TAF13: variants seen among roughly 807,000 people sequenced by gnomAD.
The protein encoded by TAF13 is TATA-box binding protein associated factor 13, also known as transcription initiation factor TFIID subunit 13.
TAF13 carries 9 observed loss-of-function variants against 18.7 expected under a neutral mutation model. The observed-to-expected ratio is 0.48, with a 90% CI of 0.29 to 0.84. The LOEUF (loss-of-function observed/expected upper bound fraction) is 0.84, where lower values mean the gene tolerates loss of function less well. Ranked by LOEUF, TAF13 falls within the 40% of genes least tolerant of loss-of-function variation. TAF13 has a pLI of 0.08. For synonymous variants in TAF13, 49 were observed against 44.1 expected (o/e 1.11, Z -0.44); for missense variants, 105 against 146.5 (o/e 0.72, Z 1.46).
intron 3 of TAF13, among the ~76,000 whole-genome samples, chr1:109,064,973 A>C (rs562965851): frequency 1.3e-5 from 2 of 151,804 alleles, no homozygotes; most frequent in East Asian, 3.9e-4. Flanking sequence ...ATATATGTAG[A>C]TTTTGTCTTC....
Position 109,066,188 on chromosome 1 carries a change from T to TA in TAF13, c.150dup (p.Thr51TyrfsTer2). 1 of 1,613,174 alleles carries TA rather than the reference T, an allele frequency of 6.2e-7. No homozygotes were observed. The highest frequency in any genetic ancestry group is 8.5e-7 in the Non-Finnish European group (1 of 1,179,730). ...TCTTCAAGAATATCCACTGACTCAG[T>TA]ATAAGGATTCTGGTCATCCCCAAAG... is the stretch of plus-strand genomic sequence containing the variant. On this transcript the variant is annotated frameshift_variant, in exon 3 of 4. Transcript: ENST00000338366. LOFTEE classifies it high-confidence loss of function.
Position 109,064,447 on chromosome 1 carries a change from G to T in TAF13, c.*76C>A. 1 of 1,246,038 alleles carries T rather than the reference G, an allele frequency of 8.0e-7. No individual in the cohort carries two copies. Among genetic ancestry groups the T allele is most frequent in the Non-Finnish European group, 1.0e-6 (1 of 958,428 alleles). 77.2% of individuals were successfully genotyped at this position (1,246,038 alleles called of 1,614,324 possible). On this transcript the variant is annotated 3_prime_UTR_variant, in exon 4 of 4. Coordinates refer to ENST00000338366, the MANE Select transcript of TAF13 (RefSeq NM_005645.4). ...CTTTCATTTACATGGCTAGATATCA[G>T]AATCTTACTTTAGAAAATATACAAT...
intron 2 of TAF13, among the ~76,000 whole-genome samples, chr1:109,067,120 A>G (rs1663964604): frequency 6.6e-6 from 1 of 152,230 alleles, no homozygotes; most frequent in Admixed American, 6.5e-5. Flanking sequence ...CAACTGCAGC[A>G]AAGCCCTTTC....
In TAF13 at chr1:109,066,290, TTTAAAAAAATAAAGTAGAAATGAACCAAG is replaced by T. The variant is rs1663950303; in HGVS notation, c.107-87_107-59del. 2.2e-6 allele frequency: 3 copies of T among 1,377,110 alleles called. No homozygotes were observed. In the African/African-American group the frequency reaches 4.4e-5, roughly 20 times the overall value. The allele number at this position is 1,377,110 out of a possible 1,614,324, so 85.3% of individuals were successfully genotyped here. On this transcript the variant is annotated intron_variant, in intron 2 of 3. Transcript: ENST00000338366. ...TTTTACAGATTTAACAATTTGATAC[TTTAAAAAAATAAAGTAGAAATGAACCAAG>T]TTATAGATAATATTGGTATGAAAAC...
chr1:109,073,384 A>C (rs1015395940), intron 2 of TAF13, among the ~76,000 whole-genome samples: 3 of 151,884 alleles, frequency 2.0e-5, no homozygotes, highest in Non-Finnish European at 4.4e-5. Flanking sequence ...CAAAAAATAC[A>C]AAAAAAGCTC....
At chr1:109,067,982 G>C (rs1003401767) in intron 2 of TAF13, among the ~76,000 whole-genome samples, 1 of 152,156 alleles carries the variant, frequency 6.6e-6, no homozygotes, top group Non-Finnish European at 1.5e-5. Flanking sequence ...GACAGGATCC[G>C]TGTGAATTCT....
intron 2 of TAF13, among the ~76,000 whole-genome samples, chr1:109,074,247 C>T (rs1664139427): frequency 6.6e-6 from 1 of 152,178 alleles, no homozygotes; most frequent in South Asian, 2.1e-4. Flanking sequence ...ATTCTTCTGC[C>T]TTGGGATGCT....
intron 1 of TAF13, 72 bp downstream of exon 1, chr1:109,075,849 T>A: frequency 1.2e-6 from 2 of 1,606,050 alleles, no homozygotes; most frequent in Non-Finnish European, 1.7e-6. Flanking sequence ...GACCCGATCC[T>A]GAACTCTGCC....
At position 109,075,976 on chromosome 1, in the gene TAF13, T is replaced by C. The variant is rs376761695; in HGVS notation, c.-29A>G. The C allele has an allele frequency of 6.2e-7, 1 of 1,614,216 alleles. No homozygotes were observed. The highest frequency in any genetic ancestry group is 2.2e-5 in the East Asian group (1 of 44,878). On this transcript the variant is annotated 5_prime_UTR_variant, in exon 1 of 4. Transcript: ENST00000338366. Reference sequence around the variant, plus strand: ...ACTAGCACGCCAACTCACAGCGTCCTGCCGGCTGGCTCCCAGCTGGTTACA... The same window carrying C: ...ACTAGCACGCCAACTCACAGCGTCCCGCCGGCTGGCTCCCAGCTGGTTACA...
At position 109,075,974 on chromosome 1, in the gene TAF13, C is replaced by A. The variant is rs1377072263; in HGVS notation, c.-27G>T. 3 of 1,614,192 alleles carry A rather than the reference C, an allele frequency of 1.9e-6. No homozygotes were observed. Among genetic ancestry groups the A allele is most frequent in the Non-Finnish European group, 1.7e-6 (2 of 1,180,038 alleles). On this transcript the variant is annotated 5_prime_UTR_variant, in exon 1 of 4. Coordinates refer to ENST00000338366, the MANE Select transcript of TAF13 (RefSeq NM_005645.4). ...CCACTAGCACGCCAACTCACAGCGT[C>A]CTGCCGGCTGGCTCCCAGCTGGTTA...
intron 1 of TAF13, 107 bp from the exon 2 acceptor site, chr1:109,075,172 AG>A: frequency 1.1e-6 from 1 of 922,602 alleles, no homozygotes. Context: ...AGAAAGCCAA[AG>A]GAAGCAGCAA....
chr1:109,075,871 GC>G (rs1664168891), intron 1 of TAF13, 49 bp downstream of exon 1: 1 of 1,612,834 alleles, frequency 6.2e-7, no homozygotes. Flanking sequence ...CCGCTACTGA[GC>G]CCGAAGGAGT....
intron 2 of TAF13, among the ~76,000 whole-genome samples, chr1:109,068,836 T>C (rs1663996290): frequency 6.6e-6 from 1 of 152,152 alleles, no homozygotes; most frequent in South Asian, 2.1e-4. Flanking sequence ...ACCCCGTCTC[T>C]ACTAAAAATA....
At chr1:109,069,594 G>C (rs1664016085) in intron 2 of TAF13, among the ~76,000 whole-genome samples, 1 of 151,814 alleles carries the variant, frequency 6.6e-6, no homozygotes, top group Non-Finnish European at 1.5e-5. Flanking sequence ...AATTCAGCAA[G>C]CTGTTCACTT....
intron 1 of TAF13, among the ~76,000 whole-genome samples, chr1:109,075,448 T>C (rs1168669441): frequency 3.9e-5 from 6 of 152,226 alleles, no homozygotes; most frequent in Admixed American, 1.3e-4. Context: ...CATTTGCTTA[T>C]ACAGTGCTAA....
At chr1:109,074,697 A>G (rs924787840) in intron 2 of TAF13, among the ~76,000 whole-genome samples, 1 of 152,018 alleles carries the variant, frequency 6.6e-6, no homozygotes, top group Non-Finnish European at 1.5e-5. Context: ...GGAGAATGGC[A>G]TGAACCCGGG....
intron 2 of TAF13, among the ~76,000 whole-genome samples, chr1:109,072,704 C>T (rs552956823): frequency 4.8e-4 from 73 of 152,168 alleles, no homozygotes; most frequent in Non-Finnish European, 2.9e-4. Context: ...CTTGACCTCC[C>T]GAAGTGCTGG....
At chr1:109,071,343 A>G (rs1183273823) in intron 2 of TAF13, among the ~76,000 whole-genome samples, 2 of 151,970 alleles carry the variant, frequency 1.3e-5, no homozygotes, top group Non-Finnish European at 2.9e-5. Context: ...TGGGAGGCTG[A>G]GGCAGGAGAA....
intron 2 of TAF13, among the ~76,000 whole-genome samples, chr1:109,074,779 C>CA (rs35227534): frequency 0.092 from 9,655 of 104,818 alleles, 387 homozygotes; most frequent in Middle Eastern, 0.13. Flanking sequence ...GACTCCGTCT[C>CA]AAAAAAAAAA....
Sources: allele counts gnomAD v4.1 joint callset (sites outside exome capture counted in the v4.1 genomes callset), GRCh38; gene constraint gnomAD v4.1.1; transcripts MANE v1.5; gene names NCBI Gene and HGNC (gene_info 2026-07-23, HGNC 2026-07-21).